The following ATRNL1 variants were observed in gnomAD, a reference collection of about 807,000 sequenced individuals.
The protein encoded by ATRNL1 is attractin like 1.
ATRNL1 carries 95 observed loss-of-function variants against 182.7 expected under a neutral mutation model. That is an observed-to-expected ratio of 0.52 (90% CI 0.44 to 0.62). The LOEUF is 0.62. ATRNL1 is among the 20% of genes least tolerant of loss of function. The pLI is 0.00. For missense variants in ATRNL1, 1,471 were observed against 1,679.5 expected, an observed-to-expected ratio of 0.88 and a Z score of 2.17; for synonymous variants, 576 against 568.3, an observed-to-expected ratio of 1.01 and a Z score of -0.19.
chr10:115,512,899 T>C (rs554502314), intron 24 of ATRNL1, among the ~76,000 whole-genome samples: 11 of 152,040 alleles, frequency 7.2e-5, no homozygotes, highest in African/African-American at 2.4e-4. Flanking sequence ...TTAAGAATGA[T>C]TCTCCTTTGT....
chr10:115,848,456 G>A (rs973351971), intron 28 of ATRNL1, among the ~76,000 whole-genome samples: 1 of 152,160 alleles, frequency 6.6e-6, no homozygotes, highest in Non-Finnish European at 1.5e-5. Context: ...GAGGATGATA[G>A]CTTCACGCAA....
intron 27 of ATRNL1, among the ~76,000 whole-genome samples, chr10:115,801,412 A>G (rs1161545547): frequency 2.6e-5 from 4 of 152,224 alleles, no homozygotes; most frequent in African/African-American, 9.6e-5. Context: ...AACTAAAACT[A>G]CTAGTATAAA....
At chr10:115,338,865 T>G (rs1554937477) in intron 19 of ATRNL1, among the ~76,000 whole-genome samples, 1 of 152,222 alleles carries the variant, frequency 6.6e-6, no homozygotes, top group Non-Finnish European at 1.5e-5. Context: ...GTTTGAGGTC[T>G]TAGATTTAAG....
rs61386440 is a variant in ATRNL1 at position 115,717,548 on chromosome 10, C to CTTTTTT, written c.3796-9684_3796-9679dup. The stretch of plus-strand genomic sequence containing the variant: ...TGATTTTCCCGCTGCCTGAAATGTT[C>CTTTTTT]TTTTTTTTTTTTTTTTTTTTTGAGA... On this transcript the variant is annotated intron_variant, in intron 26 of 28. Transcript: ENST00000355044. Among the ~76,000 whole-genome samples, 53 of 84,354 alleles carry CTTTTTT rather than the reference C, an allele frequency of 6.3e-4. 5 individuals carry two copies. The highest frequency in any genetic ancestry group is 6.9e-4 in the African/African-American group (16 of 23,050). The allele number at this position is 84,354 out of a possible 152,430, so 55.3% of individuals were successfully genotyped here.
chr10:115,418,313 A>G (rs1399484033), intron 20 of ATRNL1, among the ~76,000 whole-genome samples: 1 of 152,202 alleles, frequency 6.6e-6, no homozygotes, highest in Admixed American at 6.5e-5. Context: ...GAATGAAATA[A>G]AAATGGAATA....
intron 26 of ATRNL1, among the ~76,000 whole-genome samples, chr10:115,687,528 A>C (rs1234017549): frequency 2.0e-5 from 3 of 152,074 alleles, no homozygotes. Flanking sequence ...ATGGACATTT[A>C]GGTTGGACAT....
At chr10:115,443,988 A>G (rs1846833995) in intron 21 of ATRNL1, among the ~76,000 whole-genome samples, 2 of 152,146 alleles carry the variant, frequency 1.3e-5, no homozygotes, top group Admixed American at 1.3e-4. Context: ...TAAAAAATTA[A>G]ACATACCTCT....
intron 27 of ATRNL1, among the ~76,000 whole-genome samples, chr10:115,767,666 T>C (rs1948890599): frequency 1.3e-5 from 2 of 152,184 alleles, no homozygotes; most frequent in South Asian, 4.1e-4. Flanking sequence ...CCTGTTCCTT[T>C]ACCTATCAAC....
At chr10:115,819,135 C>A (rs1565406864) in intron 27 of ATRNL1, among the ~76,000 whole-genome samples, 1 of 152,006 alleles carries the variant, frequency 6.6e-6, no homozygotes, top group Non-Finnish European at 1.5e-5. Context: ...AATTTCAGCT[C>A]CTCTTCAGAT....
At chr10:115,558,827 G>T (rs1253499410) in intron 26 of ATRNL1, among the ~76,000 whole-genome samples, 1 of 152,098 alleles carries the variant, frequency 6.6e-6, no homozygotes, top group Non-Finnish European at 1.5e-5. Context: ...AGTAAGAACA[G>T]CAAATCTATA....
chr10:115,531,563 T>C (rs1382655259), intron 25 of ATRNL1, among the ~76,000 whole-genome samples: 3 of 150,836 alleles, frequency 2.0e-5, no homozygotes, highest in African/African-American at 7.3e-5. Flanking sequence ...GAAAATTTTC[T>C]CCCATTTTGT....
At chr10:115,841,077 T>G (rs1037192460) in intron 27 of ATRNL1, among the ~76,000 whole-genome samples, 1 of 152,228 alleles carries the variant, frequency 6.6e-6, no homozygotes, top group Non-Finnish European at 1.5e-5. Flanking sequence ...TATTTTAAAG[T>G]TTTGAAAAAT....
chr10:115,217,395 TA>T (rs1175734252), intron 9 of ATRNL1, among the ~76,000 whole-genome samples: 4 of 152,156 alleles, frequency 2.6e-5, no homozygotes, highest in Non-Finnish European at 2.9e-5. Context: ...GCCCTAAAAA[TA>T]TTTTTTCAAT....
chr10:115,487,077 T>C (rs1282633836), intron 24 of ATRNL1, among the ~76,000 whole-genome samples: 1 of 152,150 alleles, frequency 6.6e-6, no homozygotes, highest in African/African-American at 2.4e-5. Flanking sequence ...CTGAGTCTTC[T>C]GTTCTGTTCC....
intron 28 of ATRNL1, among the ~76,000 whole-genome samples, chr10:115,866,226 C>G (rs1951437026): frequency 6.6e-6 from 1 of 152,094 alleles, no homozygotes; most frequent in Non-Finnish European, 1.5e-5. Flanking sequence ...TTAAAATATT[C>G]ATAAATTATG....
intron 24 of ATRNL1, among the ~76,000 whole-genome samples, chr10:115,479,317 A>C (rs543502935): frequency 6.6e-6 from 1 of 151,740 alleles, no homozygotes; most frequent in South Asian, 2.1e-4. Flanking sequence ...GAAATGTTTT[A>C]AAATGTCAAA....
intron 9 of ATRNL1, among the ~76,000 whole-genome samples, chr10:115,233,466 T>C (rs1332804131): frequency 6.6e-6 from 1 of 152,206 alleles, no homozygotes; most frequent in Admixed American, 6.5e-5. Flanking sequence ...TCAGATTATA[T>C]ACAAATAATG....
intron 28 of ATRNL1, among the ~76,000 whole-genome samples, chr10:115,896,347 G>T (rs1302864446): frequency 6.6e-6 from 1 of 152,098 alleles, no homozygotes; most frequent in Admixed American, 6.6e-5. Flanking sequence ...AGTAATTCCT[G>T]TGCTAATTAA....
intron 19 of ATRNL1, among the ~76,000 whole-genome samples, chr10:115,368,264 T>C (rs901302026): frequency 4.6e-5 from 7 of 152,332 alleles, no homozygotes; most frequent in Non-Finnish European, 1.0e-4. Flanking sequence ...AAGCGCAATA[T>C]TCGGGTGGGA....
Sources: gnomAD v4.1 joint callset for allele counts (sites outside exome capture counted in the v4.1 genomes callset) on GRCh38, gnomAD v4.1.1 for gene constraint, MANE v1.5 for transcripts, NCBI Gene and HGNC (gene_info 2026-07-23, HGNC 2026-07-21) for gene names.